Variants in RPS6KA3 observed in about 807,000 individuals in gnomAD.
RPS6KA3 encodes the protein ribosomal protein S6 kinase A3.
Under a neutral mutation model 67.2 loss-of-function variants are expected in RPS6KA3, and 4 were observed. The ratio of observed to expected loss-of-function variants is 0.06; its 90% CI spans 0.03 to 0.14. RPS6KA3 has a LOEUF of 0.14. Ranked by LOEUF, RPS6KA3 falls within the 10% of genes least tolerant of loss-of-function variation. RPS6KA3 has a pLI of 1.00. For synonymous variants in RPS6KA3, 182 were observed against 183.7 expected (o/e 0.99, Z 0.07); for missense variants, 204 against 559.0 (o/e 0.36, Z 6.40).
At position 20,155,130 on chromosome X, in the gene RPS6KA3, T is replaced by C. The variant is rs137925384; in HGVS notation, c.*268A>G. 5.4e-6 allele frequency: 2 copies of C among 367,258 alleles called. No individual in the cohort carries two copies. The highest frequency in any genetic ancestry group is 5.1e-5 in the African/African-American group (2 of 38,967). 30.3% of individuals were successfully genotyped at this position (367,258 alleles called of 1,213,427 possible). On this transcript the variant is annotated 3_prime_UTR_variant, in exon 22 of 22. Transcript: ENST00000379565. ...AGTGTATTTTTAGGTGGTATTCATA[T>C]GTTCATTATTTTTCTCATTGATTCA...
intron 1 of RPS6KA3, 151 bp from the exon 2 acceptor site, chrX:20,234,965 G>A (rs1426308439): frequency 1.3e-5 from 6 of 453,877 alleles, no homozygotes; most frequent in Non-Finnish European, 2.4e-5. Flanking sequence ...GTATGCAGTT[G>A]CTAAATTTGC....
At chrX:20,245,031 C>T (rs915604944) in intron 1 of RPS6KA3, among the ~76,000 whole-genome samples, 14 of 111,747 alleles carry the variant, frequency 1.3e-4, no homozygotes, top group African/African-American at 4.5e-4. Context: ...TTTCTAAAAA[C>T]TGGTGTATCC....
In RPS6KA3 at chrX:20,234,783, C is replaced by T; in HGVS notation, c.101G>A (p.Gly34Glu). ...NGQQIMDEPM[G>E]EEEINPQTEE... is the part of the protein sequence containing the mutation. The stretch of plus-strand genomic sequence containing the variant: ...AGTTTGTGGGTTAATCTCCTCCTCT[C>T]CCATAGGTTCATCCATAATTTGCTG... The change falls in exon 2 of 22, where the codon GGA (glycine) becomes GAA (glutamate). Residue 34 changes from glycine to glutamate, a missense_variant. Gly to Glu is a moderately conservative substitution (Grantham distance 98). Coordinates refer to ENST00000379565, the MANE Select transcript of RPS6KA3 (RefSeq NM_004586.3). The T allele has an allele frequency of 1.7e-6, 2 of 1,203,252 alleles. No individual in the cohort carries two copies. Among genetic ancestry groups the T allele is most frequent in the East Asian group, 3.0e-5 (1 of 33,758 alleles).
intron 10 of RPS6KA3, among the ~76,000 whole-genome samples, chrX:20,186,038 C>T (rs749207481): frequency 1.7e-4 from 19 of 111,513 alleles, no homozygotes; most frequent in Non-Finnish European, 3.8e-5. Context: ...CTCCCGGGTT[C>T]AAGGGATTCT....
At chrX:20,235,926 T>C (rs2069398069) in intron 1 of RPS6KA3, among the ~76,000 whole-genome samples, 1 of 111,468 alleles carries the variant, frequency 9.0e-6, no homozygotes. Flanking sequence ...TTCCTAACAA[T>C]AGAGAACTAG....
intron 2 of RPS6KA3, among the ~76,000 whole-genome samples, chrX:20,223,869 T>C (rs1266636894): frequency 8.9e-6 from 1 of 112,412 alleles, no homozygotes; most frequent in Non-Finnish European, 1.9e-5. Context: ...TGTTTTCTAA[T>C]TCGCTGATTT....
At chrX:20,255,641 A>T (rs2070022743) in intron 1 of RPS6KA3, among the ~76,000 whole-genome samples, 1 of 108,189 alleles carries the variant, frequency 9.2e-6, no homozygotes, top group Non-Finnish European at 1.9e-5. Context: ...ACAAAAAATT[A>T]GCCAGGCGTG....
At chrX:20,164,389 T>C (rs375505082) in intron 18 of RPS6KA3, among the ~76,000 whole-genome samples, 4 of 104,793 alleles carry the variant, frequency 3.8e-5, no homozygotes, top group Non-Finnish European at 5.9e-5. Context: ...AAGGGTTGTT[T>C]TTTTTTTTTT....
At chrX:20,216,789 G>C (rs1397659243) in intron 2 of RPS6KA3, among the ~76,000 whole-genome samples, 1 of 110,804 alleles carries the variant, frequency 9.0e-6, no homozygotes, top group African/African-American at 3.3e-5. Context: ...AGGTAGAGAA[G>C]AATGAGGTCA....
chrX:20,177,305 A>C (rs974244743), intron 10 of RPS6KA3, among the ~76,000 whole-genome samples: 2 of 112,036 alleles, frequency 1.8e-5, no homozygotes, highest in Non-Finnish European at 3.8e-5. Context: ...CATGGAGACA[A>C]TCCAATGATC....
At chrX:20,214,558 G>T (rs1271380016) in intron 2 of RPS6KA3, among the ~76,000 whole-genome samples, 1 of 111,743 alleles carries the variant, frequency 8.9e-6, no homozygotes, top group Non-Finnish European at 1.9e-5. Flanking sequence ...AAGCTTTAAA[G>T]ATTTTCTCTG....
intron 1 of RPS6KA3, among the ~76,000 whole-genome samples, chrX:20,257,323 C>T (rs933920474): frequency 2.7e-5 from 3 of 111,909 alleles, no homozygotes; most frequent in African/African-American, 9.8e-5. Context: ...TCCAGACTTA[C>T]GAGTTAAAAT....
In RPS6KA3 at chrX:20,152,818, A is replaced by G. The variant is rs1399348966; in HGVS notation, c.*2580T>C. The G allele has an allele frequency of 2.7e-5, 3 of 112,158 alleles. No homozygotes were observed. In the Admixed American group the frequency reaches 2.8e-4, roughly 11 times the overall value. 9.2% of individuals were successfully genotyped at this position (112,158 alleles called of 1,213,427 possible). A position where few individuals can be genotyped will look rare whatever the true frequency, so the allele number is the denominator to read the frequency against. The stretch of plus-strand genomic sequence containing the variant: ...GCTGCTTGGCTAGGCAAAGAAGGCA[A>G]TTATCTTCGAAAGAAATAAAAGTTG... On this transcript the variant is annotated 3_prime_UTR_variant, in exon 22 of 22. Coordinates refer to ENST00000379565, the MANE Select transcript of RPS6KA3 (RefSeq NM_004586.3).
chrX:20,245,693 A>G (rs192485067), intron 1 of RPS6KA3, among the ~76,000 whole-genome samples: 3 of 111,811 alleles, frequency 2.7e-5, no homozygotes, highest in Non-Finnish European at 5.6e-5. Context: ...GATGATCAAA[A>G]TTACCTATGG....
At chrX:20,172,207 T>C (rs1425964513) in intron 15 of RPS6KA3, among the ~76,000 whole-genome samples, 1 of 112,547 alleles carries the variant, frequency 8.9e-6, no homozygotes, top group Non-Finnish European at 1.9e-5. Flanking sequence ...CACTTACGAC[T>C]AAAGGTTTGA....
In RPS6KA3 at chrX:20,266,681, C is replaced by T. The variant is rs2070398286; in HGVS notation, c.-49G>A. 2.0e-6 allele frequency: 2 copies of T among 1,003,404 alleles called. No homozygotes were observed. The highest frequency in any genetic ancestry group is 4.0e-5 in the African/African-American group (2 of 49,948). The allele number at this position is 1,003,404 out of a possible 1,213,427, so 82.7% of individuals were successfully genotyped here. A position where few individuals can be genotyped will look rare whatever the true frequency, so the allele number is the denominator to read the frequency against. ...CACCGCCTCCTCCCTCCCCGCCCGC[C>T]CCACGGCCGGCCCCGCTCCGTCGCC... On this transcript the variant is annotated 5_prime_UTR_variant, in exon 1 of 22. Coordinates refer to ENST00000379565, the MANE Select transcript of RPS6KA3 (RefSeq NM_004586.3).
chrX:20,156,004 A>C, intron 21 of RPS6KA3, 105 bp downstream of exon 21: 2 of 880,894 alleles, frequency 2.3e-6, no homozygotes, highest in Admixed American at 4.4e-5. Flanking sequence ...CCACAACAGA[A>C]CTGGATGCAG....
At chrX:20,253,566 G>A (rs1006929506) in intron 1 of RPS6KA3, among the ~76,000 whole-genome samples, 1 of 110,778 alleles carries the variant, frequency 9.0e-6, no homozygotes, top group Admixed American at 9.6e-5. Flanking sequence ...CAGTGTTTTC[G>A]CTGTAAGGGA....
At chrX:20,163,575 C>T (rs1006088231) in intron 18 of RPS6KA3, among the ~76,000 whole-genome samples, 3 of 111,398 alleles carry the variant, frequency 2.7e-5, no homozygotes, top group South Asian at 3.7e-4. Context: ...TGGTGGCTCA[C>T]GCCTGCAGTC....
Sources: allele counts gnomAD v4.1 joint callset (sites outside exome capture counted in the v4.1 genomes callset), GRCh38; gene constraint gnomAD v4.1.1; transcripts MANE v1.5; gene names NCBI Gene and HGNC (gene_info 2026-07-23, HGNC 2026-07-21).